The following NADSYN1 variants were observed in gnomAD, a reference collection of about 807,000 sequenced individuals.
NADSYN1 encodes the protein NAD synthetase 1, also known as glutamine-dependent NAD(+) synthetase.
A neutral mutation model predicts 99.3 loss-of-function variants in NADSYN1; 80 were observed. The ratio of observed to expected loss-of-function variants is 0.81; its 90% confidence interval spans 0.67 to 0.97. The LOEUF (loss-of-function observed/expected upper bound fraction) is 0.97, where lower values mean the gene tolerates loss of function less well. Among genes scored for constraint, NADSYN1 ranks in the 50% least tolerant of loss-of-function variants. The pLI, the probability that NADSYN1 is intolerant of heterozygous loss-of-function variation, is 0.00. For missense variants in NADSYN1, 859 were observed against 948.5 expected, an observed-to-expected ratio of 0.91 and a Z score of 1.24; for synonymous variants, 385 against 372.1, an observed-to-expected ratio of 1.03 and a Z score of -0.40.
chr11:71,468,739 G>A (rs2120429083), intron 5 of NADSYN1, among the ~76,000 whole-genome samples: 1 of 152,280 alleles, frequency 6.6e-6, no homozygotes, highest in East Asian at 1.9e-4. Flanking sequence ...GAAAATCCAG[G>A]AATAGGCTGA....
intron 5 of NADSYN1, 42 bp from the exon 6 acceptor site, chr11:71,472,407 C>A: frequency 6.6e-7 from 1 of 1,510,924 alleles, no homozygotes; most frequent in Non-Finnish European, 9.2e-7. Flanking sequence ...CTCATTTGTC[C>A]TGAGATGCTC....
chr11:71,500,464 G>C lies in NADSYN1; in HGVS notation c.2071-838G>C, dbSNP rs571216812. On this transcript the variant is annotated intron_variant, in intron 20 of 20. Transcript: ENST00000319023. ...CTGGGGTCTGTGCTCCCAGCATCCCGTGGGTGGAGCCCAGGGATGCTGCTG... is the reference window on the plus strand; with the variant it reads ...CTGGGGTCTGTGCTCCCAGCATCCCCTGGGTGGAGCCCAGGGATGCTGCTG... 1.6e-4 allele frequency among the ~76,000 whole-genome samples: 25 copies of C among 152,296 alleles called. 1 individual carries two copies. Among genetic ancestry groups the C allele is most frequent in the South Asian group, 1.2e-3 (6 of 4,822 alleles).
intron 9 of NADSYN1, chr11:71,477,251 T>G (rs1591129104): frequency 8.2e-7 from 1 of 1,213,044 alleles, no homozygotes; most frequent in Non-Finnish European, 1.1e-6. Context: ...TCGGGGAGAG[T>G]GGGATGGAGC....
chr11:71,464,009 A>C, intron 4 of NADSYN1, 44 bp from the exon 5 acceptor site: 2 of 1,508,748 alleles, frequency 1.3e-6, no homozygotes, highest in Non-Finnish European at 1.8e-6. Flanking sequence ...TGGCACGTTC[A>C]TCTCAGGAGC....
chr11:71,474,639 G>A lies in NADSYN1; in HGVS notation c.798+113G>A, dbSNP rs546473304. 2.1e-4 allele frequency: 293 copies of A among 1,400,332 alleles called. 1 individual carries two copies. The African/African-American group carries it at 3.9e-3, about 19-fold the overall frequency. 86.7% of individuals were successfully genotyped at this position (1,400,332 alleles called of 1,614,324 possible). On this transcript the variant is annotated intron_variant, in intron 9 of 20. Transcript: ENST00000319023. ...TGAGGGCCCCTGTGGAGAAGCCCCCGGGGGTCCCGCCTGCTCCTGGCTCTC... is the reference window on the plus strand; with the variant it reads ...TGAGGGCCCCTGTGGAGAAGCCCCCAGGGGTCCCGCCTGCTCCTGGCTCTC...
chr11:71,478,536 C>T (rs751941099), intron 10 of NADSYN1, 67 bp downstream of exon 10: 71 of 1,409,992 alleles, frequency 5.0e-5, no homozygotes, highest in Admixed American at 1.8e-4. Flanking sequence ...CCCATTCGTG[C>T]GGGCCTGGTG....
chr11:71,453,415 G>T lies in NADSYN1; in HGVS notation c.85+34G>T, dbSNP rs371933497. The stretch of plus-strand genomic sequence containing the variant: ...GGGGCGGCGGGGGCACCGGTTTGGG[G>T]TGGCGCACGGGCACCGTGGCTGGGC... On this transcript the variant is annotated intron_variant, in intron 1 of 20. Transcript: ENST00000319023. The T allele has an allele frequency of 6.3e-5, 100 of 1,583,574 alleles. 1 individual carries two copies. Among genetic ancestry groups the T allele is most frequent in the East Asian group, 4.3e-4 (19 of 43,862 alleles).
intron 5 of NADSYN1, among the ~76,000 whole-genome samples, chr11:71,470,568 CTG>C (rs1177130485): frequency 6.6e-6 from 1 of 152,206 alleles, no homozygotes; most frequent in Non-Finnish European, 1.5e-5. Flanking sequence ...TAAAGGAAGT[CTG>C]TGGCCAAACA....
chr11:71,477,398 C>T (rs1208115045), intron 9 of NADSYN1: 9 of 1,289,780 alleles, frequency 7.0e-6, no homozygotes, highest in African/African-American at 1.5e-5. Flanking sequence ...CCACAGGATG[C>T]GTGAATCGGT....
intron 15 of NADSYN1, 137 bp downstream of exon 15, chr11:71,484,584 C>A: frequency 7.6e-7 from 1 of 1,307,720 alleles, no homozygotes; most frequent in Non-Finnish European, 1.0e-6. Context: ...TAGGGACAGC[C>A]AGTGCTGGGG....
intron 18 of NADSYN1, chr11:71,497,038 C>A (rs899080848): frequency 5.4e-5 from 11 of 204,416 alleles, no homozygotes; most frequent in Non-Finnish European, 5.0e-5. Context: ...ACCACCACAC[C>A]CAGCTAGTTT....
Position 71,501,453 on chromosome 11 carries a change from G to A in NADSYN1, c.*101G>A. ...TAGGAGCCCTACACTAGGAGCCCAG[G>A]ATGGGACGGCGCATCAGCCGAGAGG... On this transcript the variant is annotated 3_prime_UTR_variant, in exon 21 of 21. Transcript: ENST00000319023. 4.3e-6 allele frequency: 5 copies of A among 1,154,894 alleles called. No homozygotes were observed. The South Asian group carries it at 6.9e-5, about 16-fold the overall frequency. 71.5% of individuals were successfully genotyped at this position (1,154,894 alleles called of 1,614,324 possible).
intron 9 of NADSYN1, chr11:71,476,214 G>A (rs548320441): frequency 8.2e-5 from 34 of 415,130 alleles, no homozygotes; most frequent in African/African-American, 2.7e-4. Context: ...TGCCTGACTC[G>A]TCTTTGGACC....
chr11:71,463,439 A>G lies in NADSYN1; in HGVS notation c.271A>G (p.Met91Val), dbSNP rs770843384. The G allele has an allele frequency of 6.2e-7, 1 of 1,613,936 alleles. No homozygotes were observed. The highest frequency in any genetic ancestry group is 8.5e-7 in the Non-Finnish European group (1 of 1,179,934). ...DIICDVGMPV[M>V]HRNVRYNCRV... ...CTCCCCTCTCTCCTGCAGGCCTGTA[A>G]TGCACCGAAACGTCCGCTACAACTG... The change falls in exon 4 of 21, where the codon ATG becomes GTG. Residue 91 changes from methionine (M) to valine (V), a missense_variant. By Grantham distance (21) the Met-to-Val change is conservative. Coordinates refer to ENST00000319023, the MANE Select transcript of NADSYN1 (RefSeq NM_018161.5).
chr11:71,496,040 C>T (rs1949816479), intron 18 of NADSYN1, among the ~76,000 whole-genome samples: 1 of 152,198 alleles, frequency 6.6e-6, no homozygotes, highest in South Asian at 2.1e-4. Context: ...TCAGTGAGCC[C>T]TCGGCCCTCT....
intron 12 of NADSYN1, chr11:71,481,619 G>C: frequency 3.3e-6 from 2 of 612,454 alleles, no homozygotes; most frequent in Non-Finnish European, 5.7e-6. Context: ...GAGGCTCAGC[G>C]GAACCCAGCC....
At position 71,497,498 on chromosome 11, in the gene NADSYN1, A is replaced by T. The variant is rs1565608808; in HGVS notation, c.1780A>T (p.Thr594Ser). 1 of 1,614,170 alleles carries T rather than the reference A, an allele frequency of 6.2e-7. No homozygotes were observed. Among genetic ancestry groups the T allele is most frequent in the East Asian group, 2.2e-5 (1 of 44,886 alleles). The change falls in exon 19 of 21, where the codon ACA becomes TCA. Residue 594 changes from threonine (T) to serine (S), a missense_variant. By Grantham distance (58) the Thr-to-Ser change is moderately conservative. Coordinates refer to ENST00000319023, the MANE Select transcript of NADSYN1 (RefSeq NM_018161.5). ...TTGTGCACAGGAAGATATGGGGATG[A>T]CATATGCGGAGCTCTCGGTCTATGG... Reference protein sequence around the residue: ...SQTDEEDMGMTYAELSVYGKL... With the variant: ...SQTDEEDMGMSYAELSVYGKL...
chr11:71,455,254 C>A, intron 2 of NADSYN1, 84 bp downstream of exon 2: 3 of 1,222,438 alleles, frequency 2.5e-6, no homozygotes, highest in Non-Finnish European at 2.4e-6. Flanking sequence ...AAGGAAGGAG[C>A]AGGGACAGTC....
Position 71,463,900 on chromosome 11 carries a change from C to T in NADSYN1, c.318-153C>T, listed in dbSNP as rs56772095. Among the ~76,000 whole-genome samples, 505 of 152,340 alleles carry T rather than the reference C, an allele frequency of 3.3e-3. 5 individuals carry two copies. Among genetic ancestry groups the T allele is most frequent in the African/African-American group, 0.012 (488 of 41,584 alleles). Reference sequence around the variant, plus strand: ...CCATGGGGACCCGAGTCATAGAAAGCGGAAGCCCAGAGAAGGAGAGAGATT... The same window carrying T: ...CCATGGGGACCCGAGTCATAGAAAGTGGAAGCCCAGAGAAGGAGAGAGATT... On this transcript the variant is annotated intron_variant, in intron 4 of 20. Coordinates refer to ENST00000319023, the MANE Select transcript of NADSYN1 (RefSeq NM_018161.5).
Sources: gnomAD v4.1 joint callset for allele counts (sites outside exome capture counted in the v4.1 genomes callset) on GRCh38, gnomAD v4.1.1 for gene constraint, MANE v1.5 for transcripts, NCBI Gene and HGNC (gene_info 2026-07-23, HGNC 2026-07-21) for gene names.